The following CD109 variants were observed in gnomAD, a reference collection of about 807,000 sequenced individuals.
The protein encoded by CD109 is CD109 molecule.
CD109 carries 149 observed loss-of-function variants against 165.8 expected under a neutral mutation model. That is an observed-to-expected ratio of 0.90 (90% confidence interval 0.79 to 1.03). The LOEUF is 1.03. CD109 is among the 50% of genes least tolerant of loss of function. The probability of loss-of-function intolerance (pLI) is 0.00; values close to 1 mark genes in which losing one functional copy is unlikely to be tolerated. For synonymous variants in CD109, 585 were observed against 592.1 expected, an observed-to-expected ratio of 0.99 and a Z score of 0.18; for missense variants, 1,712 against 1,677.8, an observed-to-expected ratio of 1.02 and a Z score of -0.36.
chr6:73,695,950 G>A (rs181908581), upstream of CD109: 10 of 460,614 alleles, frequency 2.2e-5, no homozygotes, highest in Admixed American at 2.4e-4. Flanking sequence ...GGGGCCGCCT[G>A]CGTTTAGCAA....
At chr6:73,721,790 G>A (rs1771960597) in intron 2 of CD109, among the ~76,000 whole-genome samples, 1 of 152,070 alleles carries the variant, frequency 6.6e-6, no homozygotes, top group African/African-American at 2.4e-5. Context: ...AGGCTGTAGT[G>A]CAGTGATGTG....
At chr6:73,811,441 C>T (rs775145606) in intron 28 of CD109, among the ~76,000 whole-genome samples, 9 of 152,078 alleles carry the variant, frequency 5.9e-5, no homozygotes, top group East Asian at 5.8e-4. Flanking sequence ...GATTACTTTA[C>T]GTATGCTATT....
intron 3 of CD109, among the ~76,000 whole-genome samples, chr6:73,727,560 G>A (rs1483603794): frequency 6.6e-6 from 1 of 152,186 alleles, no homozygotes; most frequent in East Asian, 1.9e-4. Context: ...GGAGGATAGA[G>A]TAGGAGGTAG....
chr6:73,818,349 T>G (rs754002631), intron 30 of CD109, 39 bp from the exon 31 acceptor site: 1 of 1,611,380 alleles, frequency 6.2e-7, no homozygotes, highest in South Asian at 1.1e-5. Context: ...TATGGGTTTT[T>G]CCTGAGGAGT....
chr6:73,791,142 T>C (rs1392341565), intron 22 of CD109, among the ~76,000 whole-genome samples: 2,457 of 22,104 alleles, frequency 0.11, 32 homozygotes, highest in African/African-American at 0.18. Flanking sequence ...CATACATATA[T>C]ATATATATAT....
intron 32 of CD109, 70 bp downstream of exon 32, chr6:73,820,633 C>T (rs1337989155): frequency 1.1e-6 from 1 of 922,630 alleles, no homozygotes; most frequent in South Asian, 1.6e-5. Context: ...TTGGAAGTGA[C>T]CACACATTGG....
upstream of CD109, chr6:73,695,345 T>C (rs1770778847): frequency 6.6e-6 from 1 of 152,244 alleles, no homozygotes; most frequent in Admixed American, 6.5e-5. Flanking sequence ...CAATAACTCC[T>C]GGGCACCACC....
At chr6:73,799,804 T>C (rs1049373595) in intron 23 of CD109, among the ~76,000 whole-genome samples, 3 of 151,856 alleles carry the variant, frequency 2.0e-5, no homozygotes, top group African/African-American at 2.4e-5. Flanking sequence ...CTTTTCTCTC[T>C]CTCCTTTTGC....
intron 15 of CD109, 39 bp downstream of exon 15, chr6:73,771,620 A>G: frequency 7.0e-7 from 1 of 1,428,248 alleles, no homozygotes; most frequent in Non-Finnish European, 9.4e-7. Context: ...AATATGTATT[A>G]CAAGAGAAAG....
intron 24 of CD109, among the ~76,000 whole-genome samples, chr6:73,806,220 G>T (rs529680754): frequency 5.9e-5 from 9 of 152,268 alleles, no homozygotes; most frequent in Admixed American, 5.9e-4. Flanking sequence ...TAGGGACATG[G>T]ATGAAGCTGG....
intron 24 of CD109, among the ~76,000 whole-genome samples, chr6:73,806,255 C>T (rs113817817): frequency 0.033 from 4,981 of 151,864 alleles, 235 homozygotes; most frequent in African/African-American, 0.1. Flanking sequence ...AGCAAACTAT[C>T]GCAAGGACAA....
In CD109 at chr6:73,766,778, A is replaced by G; in HGVS notation, c.1352A>G (p.Lys451Arg). Residue 451 changes from lysine to arginine, a missense_variant, in exon 12 of 33, where the codon AAA becomes AGA. Lys to Arg is a conservative substitution (Grantham distance 26). Transcript: ENST00000287097. Reference sequence around the variant, plus strand: ...TTATAGGCCTATTTCCTTGGTAGTAAAAGTAGCATGGCAGTTCATAGTCTG... The same window carrying G: ...TTATAGGCCTATTTCCTTGGTAGTAGAAGTAGCATGGCAGTTCATAGTCTG... ...LQLKAYFLGS[K>R]SSMAVHSLFK... 6.2e-7 allele frequency: 1 copy of G among 1,612,312 alleles called. No homozygotes were observed. The highest frequency in any genetic ancestry group is 8.5e-7 in the Non-Finnish European group (1 of 1,178,920).
chr6:73,754,331 G>C (rs1314215580), intron 5 of CD109, among the ~76,000 whole-genome samples: 1 of 152,132 alleles, frequency 6.6e-6, no homozygotes, highest in Admixed American at 6.5e-5. Context: ...TTAAGGATCA[G>C]AAAGAGATGC....
intron 2 of CD109, among the ~76,000 whole-genome samples, chr6:73,700,419 G>A (rs935244057): frequency 2.0e-5 from 3 of 152,100 alleles, no homozygotes; most frequent in Admixed American, 6.5e-5. Flanking sequence ...CCCAACAGAA[G>A]GTTGGTTTTA....
At chr6:73,781,820 C>A (rs1436503928) in intron 17 of CD109, among the ~76,000 whole-genome samples, 1 of 124,846 alleles carries the variant, frequency 8.0e-6, no homozygotes, top group South Asian at 2.4e-4. Context: ...CACGCAGACA[C>A]ACACACACAC....
At chr6:73,812,119 G>A (rs760090147) in intron 28 of CD109, 86 bp from the exon 29 acceptor site, 584 of 749,992 alleles carry the variant, frequency 7.8e-4, no homozygotes, top group Non-Finnish European at 1.2e-3. Flanking sequence ...TTTTCCTAAT[G>A]AGGGATAGGA....
In CD109 at chr6:73,825,378, C is replaced by T. The variant is rs1562093230; in HGVS notation, c.*1745C>T. 6.6e-6 allele frequency: 1 copy of T among 152,118 alleles called. No homozygotes were observed. Among genetic ancestry groups the T allele is most frequent in the South Asian group, 2.1e-4 (1 of 4,828 alleles). The allele number at this position is 152,118 out of a possible 1,614,324, so 9.4% of individuals were successfully genotyped here. On this transcript the variant is annotated 3_prime_UTR_variant, in exon 33 of 33. Coordinates refer to ENST00000287097, the MANE Select transcript of CD109 (RefSeq NM_133493.5). ...TGTAATGTTGGGGCCTCCTTGTAAA[C>T]GTGTTTTTGCCCTTTACTCTCTGGG...
intron 7 of CD109, among the ~76,000 whole-genome samples, chr6:73,760,173 C>T (rs1000315145): frequency 1.3e-5 from 2 of 151,774 alleles, no homozygotes; most frequent in African/African-American, 2.4e-5. Flanking sequence ...TTTGGGAGGC[C>T]GAGGCGGGCG....
At chr6:73,788,741 CCAA>C (rs1204802795) in intron 22 of CD109, 129 bp downstream of exon 22, 1 of 725,218 alleles carries the variant, frequency 1.4e-6, no homozygotes, top group Admixed American at 3.3e-5. Flanking sequence ...TTAATTGGGC[CCAA>C]CAACTCATTA....
Sources: gnomAD v4.1 joint callset for allele counts (sites outside exome capture counted in the v4.1 genomes callset) on GRCh38, gnomAD v4.1.1 for gene constraint, MANE v1.5 for transcripts, NCBI Gene and HGNC (gene_info 2026-07-23, HGNC 2026-07-21) for gene names.